Variants in POPDC1 observed in about 807,000 individuals in gnomAD.
POPDC1 encodes popeye domain-containing protein 1.
At chr6:105,114,478 G>A in the POPDC1 span, among the ~76,000 whole-genome samples, 1 of 54,844 alleles carries the variant, frequency 1.8e-5, no homozygotes. Context: ...TTATCTAAAG[G>A]CATACAAAGT....
At chr6:105,126,103 G>GGA in the POPDC1 span, among the ~76,000 whole-genome samples, 1 of 151,800 alleles carries the variant, frequency 6.6e-6, no homozygotes, top group Admixed American at 6.6e-5. Flanking sequence ...GCATGCACCT[G>GGA]TAATCTCAGC....
At chr6:105,126,956 CA>C in the POPDC1 span, among the ~76,000 whole-genome samples, 1 of 152,160 alleles carries the variant, frequency 6.6e-6, no homozygotes, top group East Asian at 1.9e-4. Context: ...AAGAGAAAAA[CA>C]AAATGGCTTA....
the POPDC1 span, among the ~76,000 whole-genome samples, chr6:105,106,033 A>G: frequency 6.6e-6 from 1 of 152,180 alleles, no homozygotes; most frequent in Non-Finnish European, 1.5e-5. Context: ...TGGGAGGCAG[A>G]GTGGTTAACT....
At chr6:105,101,870 T>C in the POPDC1 span, among the ~76,000 whole-genome samples, 1 of 152,202 alleles carries the variant, frequency 6.6e-6, no homozygotes, top group African/African-American at 2.4e-5. Context: ...AATTCATTCA[T>C]TCAGTCACTC....
At chr6:105,103,077 C>G in the POPDC1 span, among the ~76,000 whole-genome samples, 21 of 152,328 alleles carry the variant, frequency 1.4e-4, no homozygotes, top group Non-Finnish European at 2.5e-4. Flanking sequence ...ACACGAAACA[C>G]AACCTCTACT....
chr6:105,133,565 CTG>C, the POPDC1 span: 1 of 1,572,580 alleles, frequency 6.4e-7, no homozygotes, highest in Non-Finnish European at 8.6e-7. Flanking sequence ...GGGCTGGACT[CTG>C]TATAATTCAT....
At chr6:105,099,691 C>T in the POPDC1 span, 1 of 152,282 alleles carries the variant, frequency 6.6e-6, no homozygotes, top group Non-Finnish European at 1.5e-5. Context: ...GGTGGGGTGT[C>T]CATGGCCTGG....
chr6:105,116,868 CCTG>C, the POPDC1 span: 5 of 1,610,338 alleles, frequency 3.1e-6, 1 homozygote, highest in South Asian at 5.6e-5. Context: ...ATAATGGTGA[CCTG>C]CCAAAGAAAC....
At chr6:105,121,557 C>T in the POPDC1 span, among the ~76,000 whole-genome samples, 8 of 152,054 alleles carry the variant, frequency 5.3e-5, no homozygotes, top group South Asian at 2.1e-4. Context: ...TGTGGGCGGC[C>T]GCGCCTGGCC....
chr6:105,116,687 CAGA>C, the POPDC1 span: 2 of 1,554,344 alleles, frequency 1.3e-6, no homozygotes, highest in Non-Finnish European at 1.7e-6. Flanking sequence ...AAAATAAACT[CAGA>C]GAACACTTAC....
At chr6:105,125,371 G>A in the POPDC1 span, 7 of 1,611,178 alleles carry the variant, frequency 4.3e-6, no homozygotes, top group Non-Finnish European at 5.9e-6. Context: ...TAGGAATTTT[G>A]ATTTCCACAG....
the POPDC1 span, chr6:105,136,378 A>AG: frequency 1.3e-5 from 2 of 152,132 alleles, no homozygotes; most frequent in African/African-American, 2.4e-5. Context: ...TCCTTAAAGG[A>AG]GGAGGGTCCG....
At chr6:105,131,839 A>ATT in the POPDC1 span, among the ~76,000 whole-genome samples, 10 of 150,986 alleles carry the variant, frequency 6.6e-5, no homozygotes, top group East Asian at 1.9e-4. Context: ...AGGGTACGGT[A>ATT]TTTTTTTTTC....
the POPDC1 span, among the ~76,000 whole-genome samples, chr6:105,115,180 A>G: frequency 6.6e-6 from 1 of 152,236 alleles, no homozygotes; most frequent in Non-Finnish European, 1.5e-5. Flanking sequence ...TCCGCCTCCC[A>G]GGTTCACGCC....
the POPDC1 span, among the ~76,000 whole-genome samples, chr6:105,126,018 G>A: frequency 6.6e-6 from 1 of 152,120 alleles, no homozygotes; most frequent in Non-Finnish European, 1.5e-5. Flanking sequence ...GAGGTCAGGA[G>A]TTCGAGACCA....
At chr6:105,136,563 C>G in the POPDC1 span, 1 of 152,348 alleles carries the variant, frequency 6.6e-6, no homozygotes, top group Non-Finnish European at 1.5e-5. Context: ...ACCCCGGAGA[C>G]TCGGCGGAGA....
chr6:105,127,045 A>C, the POPDC1 span, among the ~76,000 whole-genome samples: 1 of 152,204 alleles, frequency 6.6e-6, no homozygotes, highest in Non-Finnish European at 1.5e-5. Flanking sequence ...TGGAAGTCAT[A>C]CTAATTGGGT....
chr6:105,099,258 A>G, the POPDC1 span: 1 of 152,252 alleles, frequency 6.6e-6, no homozygotes, highest in Admixed American at 6.5e-5. Context: ...GTGACCGAGC[A>G]TGTAAATTTA....
chr6:105,119,204 A>AG, the POPDC1 span, among the ~76,000 whole-genome samples: 1 of 150,800 alleles, frequency 6.6e-6, no homozygotes, highest in Non-Finnish European at 1.5e-5. Context: ...AAAAAAAAAA[A>AG]GTAGTGGTAA....
Sources: gnomAD v4.1 joint callset for allele counts (sites outside exome capture counted in the v4.1 genomes callset) on GRCh38, gnomAD v4.1.1 for gene constraint, MANE v1.5 for transcripts, NCBI Gene and HGNC (gene_info 2026-07-23, HGNC 2026-07-21) for gene names.